DPP10: variants seen among roughly 807,000 people sequenced by gnomAD.
DPP10 encodes dipeptidyl peptidase like 10, also known as inactive dipeptidyl peptidase 10.
Under a neutral mutation model 120.9 loss-of-function variants are expected in DPP10, and 33 were observed. That is an observed-to-expected ratio of 0.27 (90% CI 0.21 to 0.37). The LOEUF (loss-of-function observed/expected upper bound fraction) is 0.37. DPP10 is among the 10% of genes least tolerant of loss of function. DPP10 has a pLI of 1.00. For synonymous variants in DPP10, 337 were observed against 326.1 expected, an observed-to-expected ratio of 1.03 and a Z score of -0.36; for missense variants, 816 against 942.8, an observed-to-expected ratio of 0.87 and a Z score of 1.76.
At chr2:114,443,643 A>T (rs149065144) in intron 1 of DPP10, among the ~76,000 whole-genome samples, 4 of 150,866 alleles carry the variant, frequency 2.7e-5, no homozygotes, top group Non-Finnish European at 4.4e-5. Flanking sequence ...ATTATTATCT[A>T]TGTGGATATT....
At chr2:115,481,314 A>C (rs2075413329) in intron 3 of DPP10, among the ~76,000 whole-genome samples, 1 of 152,118 alleles carries the variant, frequency 6.6e-6, no homozygotes, top group Non-Finnish European at 1.5e-5. Flanking sequence ...TGGCTTAATT[A>C]TCATTTAATA....
chr2:115,099,776 T>C (rs1375499129), intron 1 of DPP10, among the ~76,000 whole-genome samples: 1 of 152,190 alleles, frequency 6.6e-6, no homozygotes, highest in Non-Finnish European at 1.5e-5. Context: ...AGATGGTGTC[T>C]CTGTTGTGCC....
intron 1 of DPP10, among the ~76,000 whole-genome samples, chr2:115,092,099 A>T (rs1366851264): frequency 1.3e-5 from 2 of 152,152 alleles, no homozygotes; most frequent in African/African-American, 4.8e-5. Flanking sequence ...TTAAGTAAAG[A>T]ATTTTTAAAA....
intron 1 of DPP10, among the ~76,000 whole-genome samples, chr2:115,259,225 T>C (rs1222371991): frequency 6.6e-6 from 1 of 152,138 alleles, no homozygotes; most frequent in Non-Finnish European, 1.5e-5. Flanking sequence ...CTCACACCTG[T>C]AATCCCAGCA....
intron 1 of DPP10, among the ~76,000 whole-genome samples, chr2:114,671,146 A>G (rs1484596197): frequency 6.6e-6 from 1 of 152,178 alleles, no homozygotes; most frequent in Non-Finnish European, 1.5e-5. Context: ...AAGGATTAAA[A>G]TAACTTTCAG....
intron 1 of DPP10, among the ~76,000 whole-genome samples, chr2:115,157,681 G>T (rs74661124): frequency 4.6e-5 from 7 of 152,174 alleles, no homozygotes; most frequent in Admixed American, 1.3e-4. Context: ...CCCGATTGAG[G>T]TGAGTAGAGG....
At chr2:115,664,238 C>T (rs944676754) in intron 5 of DPP10, among the ~76,000 whole-genome samples, 8 of 151,578 alleles carry the variant, frequency 5.3e-5, no homozygotes, top group African/African-American at 1.9e-4. Flanking sequence ...AAATTGTATA[C>T]TAATGAATAT....
intron 1 of DPP10, among the ~76,000 whole-genome samples, chr2:114,994,755 A>C (rs535388410): frequency 6.6e-6 from 1 of 152,300 alleles, no homozygotes; most frequent in African/African-American, 2.4e-5. Context: ...TGGGAGCCTG[A>C]AAAATGCAGC....
intron 7 of DPP10, among the ~76,000 whole-genome samples, chr2:115,703,096 A>G (rs2091958513): frequency 6.6e-6 from 1 of 152,006 alleles, no homozygotes; most frequent in Non-Finnish European, 1.5e-5. Flanking sequence ...AAATCAGGTG[A>G]AGGGATTTCA....
intron 19 of DPP10, among the ~76,000 whole-genome samples, chr2:115,808,884 A>G (rs1375849284): frequency 6.6e-6 from 1 of 152,218 alleles, no homozygotes; most frequent in African/African-American, 2.4e-5. Flanking sequence ...CCAGAAAGAA[A>G]AATCTTAGAA....
intron 4 of DPP10, among the ~76,000 whole-genome samples, chr2:115,512,052 C>G (rs1343732814): frequency 6.6e-6 from 1 of 150,510 alleles, no homozygotes; most frequent in African/African-American, 2.4e-5. Flanking sequence ...CTTCCCCACT[C>G]CCTCCCCTCT....
chr2:115,665,875 C>CT (rs1231160247), intron 5 of DPP10, among the ~76,000 whole-genome samples: 5 of 151,610 alleles, frequency 3.3e-5, no homozygotes, highest in Admixed American at 1.3e-4. Context: ...TCCAGCATTT[C>CT]TTTTTTTTAA....
chr2:115,619,541 C>G (rs754260988), intron 5 of DPP10, among the ~76,000 whole-genome samples: 3 of 152,144 alleles, frequency 2.0e-5, no homozygotes, highest in African/African-American at 7.2e-5. Flanking sequence ...GTCCCATTGT[C>G]AAGTATACAC....
chr2:114,516,068 C>G (rs779569042), intron 1 of DPP10, among the ~76,000 whole-genome samples: 8 of 152,198 alleles, frequency 5.3e-5, no homozygotes, highest in Non-Finnish European at 1.0e-4. Flanking sequence ...CCTCCTAAGT[C>G]TCTGATTCAG....
chr2:115,829,813 GC>G, intron 21 of DPP10, among the ~76,000 whole-genome samples: 1 of 151,836 alleles, frequency 6.6e-6, no homozygotes, highest in East Asian at 1.9e-4. Context: ...TTTCTAACTA[GC>G]TTGTTGGGAT....
intron 1 of DPP10, among the ~76,000 whole-genome samples, chr2:114,801,280 GA>G (rs1165763409): frequency 1.8e-4 from 11 of 62,856 alleles, no homozygotes; most frequent in South Asian, 5.2e-4. Flanking sequence ...AAAAAAAAAA[GA>G]AAAAAAGAAA....
chr2:114,904,063 G>A (rs928979835), intron 1 of DPP10, among the ~76,000 whole-genome samples: 22 of 152,184 alleles, frequency 1.4e-4, no homozygotes, highest in African/African-American at 5.3e-4. Context: ...CTAAAAAGGT[G>A]GAAGTGACTC....
chr2:115,426,676 C>G (rs1195964488), intron 3 of DPP10, among the ~76,000 whole-genome samples: 1 of 152,102 alleles, frequency 6.6e-6, no homozygotes, highest in African/African-American at 2.4e-5. Context: ...AGATTTTCAC[C>G]AGGTGCCACT....
chr2:115,216,219 G>A (rs1268073761), intron 1 of DPP10, among the ~76,000 whole-genome samples: 2 of 152,128 alleles, frequency 1.3e-5, no homozygotes, highest in African/African-American at 2.4e-5. Context: ...CTATTCAGGT[G>A]ATGGTTACAC....
Sources: allele counts gnomAD v4.1 joint callset (sites outside exome capture counted in the v4.1 genomes callset), GRCh38; gene constraint gnomAD v4.1.1; transcripts MANE v1.5; gene names NCBI Gene and HGNC (gene_info 2026-07-23, HGNC 2026-07-21).